The following CSRP1 variants were observed in gnomAD, a reference collection of about 807,000 sequenced individuals.
The protein encoded by CSRP1 is cysteine and glycine-rich protein 1.
CSRP1 carries 16 observed loss-of-function variants against 25.4 expected under a neutral mutation model. The ratio of observed to expected loss-of-function variants is 0.63; its 90% CI spans 0.43 to 0.96. The LOEUF is 0.96. CSRP1 is among the 40% of genes least tolerant of loss of function. The pLI, the probability that CSRP1 is intolerant of heterozygous loss-of-function variation, is 0.00. For synonymous variants in CSRP1, 97 were observed against 95.3 expected, an observed-to-expected ratio of 1.02 and a Z score of -0.10; for missense variants, 212 against 243.6, an observed-to-expected ratio of 0.87 and a Z score of 0.86.
intron 3 of CSRP1, 182 bp downstream of exon 3, chr1:201,489,994 G>A (rs1231548968): frequency 3.4e-6 from 2 of 584,138 alleles, no homozygotes; most frequent in Non-Finnish European, 3.0e-6. Flanking sequence ...TTTAGTCCCT[G>A]CTGCATCCCC....
intron 1 of CSRP1, among the ~76,000 whole-genome samples, chr1:201,497,617 T>A (rs146252600): frequency 6.6e-6 from 1 of 152,188 alleles, no homozygotes; most frequent in Non-Finnish European, 1.5e-5. Flanking sequence ...GGCGTCCTGA[T>A]GCCATGCAGG....
At chr1:201,506,985 G>T (rs980522630) in intron 1 of CSRP1, 85 bp downstream of exon 1, 3 of 152,342 alleles carry the variant, frequency 2.0e-5, no homozygotes, top group African/African-American at 7.2e-5. Context: ...GGCTGCGGCG[G>T]GGCTGGCAAG....
chr1:201,494,499 T>A (rs1664440792), intron 2 of CSRP1, among the ~76,000 whole-genome samples: 1 of 152,238 alleles, frequency 6.6e-6, no homozygotes, highest in Non-Finnish European at 1.5e-5. Context: ...AAAGCTCCAC[T>A]AAACCTTGTT....
rs1275274131 is a variant in CSRP1 at position 201,490,217 on chromosome 1, G to C, written c.240C>G (p.Leu80=). 1 of 1,614,166 alleles carries C rather than the reference G, an allele frequency of 6.2e-7. No individual in the cohort carries two copies. Among genetic ancestry groups the C allele is most frequent in the Non-Finnish European group, 8.5e-7 (1 of 1,180,020 alleles). The stretch of plus-strand genomic sequence containing the variant: ...CCAGCGACTCCCCCTTGTCAGTGCT[G>C]AGGGTGCCTGCGCCCTGCCCGTAGC... ...GYGYGQGAGT[L]STDKGESLGI... Residue 80 remains leucine (L), a synonymous_variant, in exon 3 of 6, where the codon CTC becomes CTG. Transcript: ENST00000340006.
At chr1:201,489,034 TG>T in intron 3 of CSRP1, 50 bp from the exon 4 acceptor site, 1 of 1,608,322 alleles carries the variant, frequency 6.2e-7, no homozygotes, top group East Asian at 2.2e-5. Context: ...TAAGTACAGG[TG>T]GGGCTGGCAC....
chr1:201,495,756 A>T, intron 2 of CSRP1: 1 of 158,758 alleles, frequency 6.3e-6, no homozygotes, highest in Non-Finnish European at 1.4e-5. Context: ...CAAGGGGCTG[A>T]GGAAGGAGGA....
chr1:201,503,477 G>A (rs527262570), intron 1 of CSRP1, among the ~76,000 whole-genome samples: 1 of 152,166 alleles, frequency 6.6e-6, no homozygotes, highest in African/African-American at 2.4e-5. Context: ...CACACAGTCG[G>A]GGGTAGGGGG....
chr1:201,499,950 G>A (rs1664618019), intron 1 of CSRP1, among the ~76,000 whole-genome samples: 1 of 152,062 alleles, frequency 6.6e-6, no homozygotes, highest in Non-Finnish European at 1.5e-5. Flanking sequence ...CTCATCATCC[G>A]AAGATAAAGA....
intron 3 of CSRP1, 188 bp from the exon 4 acceptor site, chr1:201,489,172 C>A: frequency 1.7e-6 from 1 of 599,040 alleles, no homozygotes; most frequent in Non-Finnish European, 2.8e-6. Flanking sequence ...AGCCTCAGCA[C>A]AATGTTATTT....
At chr1:201,491,033 T>C (rs1427006856) in intron 2 of CSRP1, 1 of 151,712 alleles carries the variant, frequency 6.6e-6, no homozygotes, top group Non-Finnish European at 1.5e-5. Flanking sequence ...TAAGAGAGAG[T>C]GGAACGGAAG....
intron 1 of CSRP1, among the ~76,000 whole-genome samples, chr1:201,503,376 A>T (rs935386331): frequency 6.6e-6 from 1 of 152,228 alleles, no homozygotes; most frequent in Non-Finnish European, 1.5e-5. Flanking sequence ...GTTAAAACAC[A>T]TTAGCACTTA....
intron 4 of CSRP1, chr1:201,486,376 A>G (rs2102402944): frequency 2.0e-6 from 2 of 985,546 alleles, no homozygotes; most frequent in Non-Finnish European, 2.4e-6. Context: ...GGCAGGCAGC[A>G]GTCAGATAAG....
intron 2 of CSRP1, among the ~76,000 whole-genome samples, chr1:201,493,646 G>A (rs1179660083): frequency 6.6e-6 from 1 of 152,200 alleles, no homozygotes; most frequent in Non-Finnish European, 1.5e-5. Context: ...AGGCATGTAG[G>A]TGGGCAAGCT....
At chr1:201,488,773 G>A in intron 4 of CSRP1, 82 bp downstream of exon 4, 12 of 1,547,062 alleles carry the variant, frequency 7.8e-6, no homozygotes, top group African/African-American at 1.4e-5. Context: ...AGCAGAGCTA[G>A]GTCACCAATT....
At chr1:201,504,098 T>C (rs1280500447) in intron 1 of CSRP1, among the ~76,000 whole-genome samples, 1 of 152,152 alleles carries the variant, frequency 6.6e-6, no homozygotes, top group Non-Finnish European at 1.5e-5. Flanking sequence ...ATTTCCTTAG[T>C]GAGTTGATCT....
At chr1:201,491,693 C>T (rs1571778261) in intron 2 of CSRP1, 2 of 152,212 alleles carry the variant, frequency 1.3e-5, no homozygotes, top group South Asian at 2.1e-4. Context: ...TTTTTCTTTA[C>T]TTGTCCTGTA....
chr1:201,485,521 G>A, intron 4 of CSRP1, 145 bp from the exon 5 acceptor site: 2 of 691,930 alleles, frequency 2.9e-6, no homozygotes, highest in South Asian at 3.4e-5. Flanking sequence ...GGAGGACATG[G>A]CCTATGGTGC....
intron 1 of CSRP1, among the ~76,000 whole-genome samples, chr1:201,499,234 T>C (rs886286095): frequency 6.6e-6 from 1 of 152,214 alleles, no homozygotes; most frequent in Non-Finnish European, 1.5e-5. Flanking sequence ...ATGTGTGTTA[T>C]GGTCGGCCTG....
chr1:201,488,861 A>G lies in CSRP1; in HGVS notation c.405T>C (p.Ala135=), dbSNP rs369741782. The change falls in exon 4 of 6, where the codon GCT becomes GCC. Residue 135 remains alanine (A), a synonymous_variant. Coordinates refer to ENST00000340006, the MANE Select transcript of CSRP1 (RefSeq NM_004078.3). ...TGCCCAGCAGCCACCTTACCTTCCC[A>G]GCACCAATCACCTTCTCCGCAGCAT... is the stretch of plus-strand genomic sequence containing the variant. ...AVYAAEKVIG[A]GKSWHKACFR... 2.5e-6 allele frequency: 4 copies of G among 1,613,986 alleles called. No individual in the cohort carries two copies. The highest frequency in any genetic ancestry group is 2.7e-5 in the African/African-American group (2 of 75,048).
Sources: allele counts gnomAD v4.1 joint callset (sites outside exome capture counted in the v4.1 genomes callset), GRCh38; gene constraint gnomAD v4.1.1; transcripts MANE v1.5; gene names NCBI Gene and HGNC (gene_info 2026-07-23, HGNC 2026-07-21).